The following VAV3 variants were observed in gnomAD, a reference collection of about 807,000 sequenced individuals.
VAV3 encodes guanine nucleotide exchange factor VAV3.
In VAV3, 94 loss-of-function variants were observed where a neutral mutation model predicts 131.2. That is an observed-to-expected ratio of 0.72 (90% CI 0.61 to 0.85). VAV3 has a LOEUF of 0.85. Among genes scored for constraint, VAV3 ranks in the 40% least tolerant of loss-of-function variants. The probability of loss-of-function intolerance (pLI) is 0.00; values close to 1 mark genes in which losing one functional copy is unlikely to be tolerated. For missense variants in VAV3, 939 were observed against 1,002.7 expected, an observed-to-expected ratio of 0.94 and a Z score of 0.86; for synonymous variants, 349 against 342.0, an observed-to-expected ratio of 1.02 and a Z score of -0.22.
At chr1:107,689,978 C>T (rs1433548618) in intron 17 of VAV3, among the ~76,000 whole-genome samples, 1 of 152,066 alleles carries the variant, frequency 6.6e-6, no homozygotes, top group Non-Finnish European at 1.5e-5. Flanking sequence ...AGAGCCTGAA[C>T]TGAGAGTCAT....
intron 2 of VAV3, among the ~76,000 whole-genome samples, chr1:107,831,721 C>A (rs1557871734): frequency 6.6e-6 from 1 of 152,232 alleles, no homozygotes; most frequent in Non-Finnish European, 1.5e-5. Context: ...ATGTTTTAAA[C>A]CTCTATTTTT....
At chr1:107,829,415 A>C (rs533025327) in intron 2 of VAV3, among the ~76,000 whole-genome samples, 2 of 152,332 alleles carry the variant, frequency 1.3e-5, no homozygotes, top group African/African-American at 4.8e-5. Context: ...TCTACATTAA[A>C]GTGTATTAGA....
intron 2 of VAV3, among the ~76,000 whole-genome samples, chr1:107,813,269 T>C (rs887998458): frequency 1.3e-5 from 2 of 152,080 alleles, no homozygotes; most frequent in African/African-American, 4.8e-5. Context: ...AGAGACAAGC[T>C]ACACTCAAGA....
chr1:107,852,469 A>G (rs963838288), intron 2 of VAV3, among the ~76,000 whole-genome samples: 2 of 152,224 alleles, frequency 1.3e-5, no homozygotes, highest in Non-Finnish European at 2.9e-5. Flanking sequence ...GCTTCCTTCC[A>G]GGCTTACATA....
chr1:107,587,510 T>C (rs149035796), intron 25 of VAV3, among the ~76,000 whole-genome samples: 55 of 152,342 alleles, frequency 3.6e-4, no homozygotes, highest in African/African-American at 1.3e-3. Flanking sequence ...AGGGCTGTTA[T>C]ATGAAAGCAC....
chr1:107,582,546 A>C, intron 25 of VAV3, among the ~76,000 whole-genome samples: 2 of 144,378 alleles, frequency 1.4e-5, no homozygotes, highest in South Asian at 4.9e-4. Flanking sequence ...ATATCTCCCA[A>C]TGCTATCCCT....
At chr1:107,922,670 T>C (rs1455038926) in intron 1 of VAV3, among the ~76,000 whole-genome samples, 3 of 152,068 alleles carry the variant, frequency 2.0e-5, no homozygotes, top group African/African-American at 4.8e-5. Flanking sequence ...GAGCACAATT[T>C]GGCCGGGCGC....
intron 2 of VAV3, among the ~76,000 whole-genome samples, chr1:107,860,819 C>A (rs1669703330): frequency 6.6e-6 from 1 of 151,200 alleles, no homozygotes; most frequent in African/African-American, 2.4e-5. Context: ...CTGCTTGTGC[C>A]CAGGACTTTG....
At chr1:107,673,073 T>C (rs1657935831) in intron 19 of VAV3, among the ~76,000 whole-genome samples, 1 of 152,212 alleles carries the variant, frequency 6.6e-6, no homozygotes, top group African/African-American at 2.4e-5. Flanking sequence ...TGGAAAAGTA[T>C]GTTCATGCAC....
chr1:107,572,190 GT>G lies in VAV3; in HGVS notation c.*1140del, dbSNP rs1446089042. Reference sequence around the variant, plus strand: ...TACTGCAAGACCCATCTTCCCTCCAGTTAATACACTCCCAGGATGGGCTGCA... The same window carrying G: ...TACTGCAAGACCCATCTTCCCTCCAGTAATACACTCCCAGGATGGGCTGCA... On this transcript the variant is annotated 3_prime_UTR_variant, in exon 27 of 27. Coordinates refer to ENST00000370056, the MANE Select transcript of VAV3 (RefSeq NM_006113.5). 1 of 152,186 alleles carries G rather than the reference GT, an allele frequency of 6.6e-6. No individual in the cohort carries two copies. The highest frequency in any genetic ancestry group is 1.5e-5 in the Non-Finnish European group (1 of 68,052). 9.4% of individuals were successfully genotyped at this position (152,186 alleles called of 1,614,324 possible).
At chr1:107,881,764 T>C (rs575548644) in intron 1 of VAV3, among the ~76,000 whole-genome samples, 23 of 152,190 alleles carry the variant, frequency 1.5e-4, no homozygotes, top group Non-Finnish European at 2.8e-4. Context: ...CTCTCTGGAT[T>C]AGAAAATGTT....
At chr1:107,860,933 G>A (rs921207894) in intron 2 of VAV3, among the ~76,000 whole-genome samples, 2 of 151,650 alleles carry the variant, frequency 1.3e-5, no homozygotes, top group Non-Finnish European at 2.9e-5. Flanking sequence ...ATATTTGAAC[G>A]ATTGTCCTAC....
At chr1:107,800,057 G>A (rs1666753644) in intron 2 of VAV3, among the ~76,000 whole-genome samples, 1 of 152,094 alleles carries the variant, frequency 6.6e-6, no homozygotes, top group Non-Finnish European at 1.5e-5. Flanking sequence ...ATTCCATTGT[G>A]TACATATATC....
chr1:107,574,301 G>C (rs1649464017), intron 25 of VAV3, 103 bp from the exon 26 acceptor site: 1 of 1,413,746 alleles, frequency 7.1e-7, no homozygotes. Flanking sequence ...GCACAGTCGT[G>C]ATTTCATTAC....
chr1:107,689,758 T>C (rs1355559687), intron 17 of VAV3, among the ~76,000 whole-genome samples: 1 of 152,192 alleles, frequency 6.6e-6, no homozygotes, highest in Non-Finnish European at 1.5e-5. Flanking sequence ...TTCCTCCCTA[T>C]TGGAAACACA....
Position 107,642,688 on chromosome 1 carries a change from G to A in VAV3, c.1845C>T (p.Pro615=), listed in dbSNP as rs780514716. Residue 615 remains proline, a synonymous_variant, in exon 20 of 27, where the codon CCC becomes CCT. Coordinates refer to ENST00000370056, the MANE Select transcript of VAV3 (RefSeq NM_006113.5). ...TATCCCCGGCCTGGAGCTGTAAAGG[G>A]GGTCCTTCATGCAGAGCTGGGGGTG... ...GTPPPALHEG[P]PLQLQAGDTV... 3.1e-6 allele frequency: 5 copies of A among 1,613,294 alleles called. No individual in the cohort carries two copies. The East Asian group carries it at 6.7e-5, about 22-fold the overall frequency.
At chr1:107,788,872 T>C (rs1666149122) in intron 2 of VAV3, among the ~76,000 whole-genome samples, 1 of 152,236 alleles carries the variant, frequency 6.6e-6, no homozygotes, top group African/African-American at 2.4e-5. Flanking sequence ...GAGAATAAGC[T>C]ACAAAGATTA....
intron 17 of VAV3, among the ~76,000 whole-genome samples, chr1:107,699,576 G>C (rs1261896581): frequency 6.6e-6 from 1 of 152,222 alleles, no homozygotes; most frequent in Non-Finnish European, 1.5e-5. Flanking sequence ...TGGGGACTCT[G>C]TGTGGGAGCT....
intron 20 of VAV3, among the ~76,000 whole-genome samples, chr1:107,627,768 T>G (rs1224588256): frequency 6.6e-6 from 1 of 152,182 alleles, no homozygotes; most frequent in African/African-American, 2.4e-5. Context: ...AAGGCACATT[T>G]AAATCTGACA....
Sources: gnomAD v4.1 joint callset for allele counts (sites outside exome capture counted in the v4.1 genomes callset) on GRCh38, gnomAD v4.1.1 for gene constraint, MANE v1.5 for transcripts, NCBI Gene and HGNC (gene_info 2026-07-23, HGNC 2026-07-21) for gene names.